MAP3K4: variants seen among roughly 807,000 people sequenced by gnomAD.
The protein encoded by MAP3K4 is MAP three kinase 1.
MAP3K4 carries 67 observed loss-of-function variants against 185.6 expected under a neutral mutation model. The observed-to-expected ratio is 0.36, with a 90% CI of 0.30 to 0.44. The LOEUF is 0.44. Among genes scored for constraint, MAP3K4 ranks in the 20% least tolerant of loss-of-function variants. MAP3K4 has a pLI of 1.00. For synonymous variants in MAP3K4, 702 were observed against 710.4 expected (o/e 0.99, Z 0.19); for missense variants, 1,551 against 1,995.1 (o/e 0.78, Z 4.24).
chr6:161,050,241 G>C (rs572081231), intron 3 of MAP3K4, among the ~76,000 whole-genome samples: 16 of 152,296 alleles, frequency 1.1e-4, no homozygotes, highest in African/African-American at 3.8e-4. Context: ...CAAAGGACAG[G>C]CTGGGTATAA....
Position 161,048,583 on chromosome 6 carries a change from A to C in MAP3K4, c.344-33A>C. On this transcript the variant is annotated intron_variant, in intron 2 of 26. Transcript: ENST00000392142. The surrounding 1 kb of genome is among the most constrained non-coding windows in gnomAD (Gnocchi z 4.7). ...GAGAGTAGCTTCATATTTTAGAGTT[A>C]TATAATGTTCTGTTTATTTTTTTTT... The C allele has an allele frequency of 7.3e-7, 1 of 1,376,592 alleles. No individual in the cohort carries two copies. The highest frequency in any genetic ancestry group is 9.9e-7 in the Non-Finnish European group (1 of 1,012,066). 85.3% of individuals were successfully genotyped at this position (1,376,592 alleles called of 1,614,324 possible).
Position 161,073,540 on chromosome 6 carries a change from G to C in MAP3K4, c.2025G>C (p.Glu675Asp), listed in dbSNP as rs753077794. The C allele has an allele frequency of 2.7e-5, 44 of 1,613,930 alleles. No homozygotes were observed. The highest frequency in any genetic ancestry group is 3.6e-5 in the Non-Finnish European group (42 of 1,179,966). The change falls in exon 5 of 27, where the codon GAG becomes GAC. Residue 675 changes from glutamate (E) to aspartate (D), a missense_variant. Physicochemically the swap from Glu to Asp is conservative, Grantham distance 45. Coordinates refer to ENST00000392142, the MANE Select transcript of MAP3K4 (RefSeq NM_005922.4). The surrounding 1 kb of genome is among the most constrained non-coding windows in gnomAD (Gnocchi z 4.2). The stretch of plus-strand genomic sequence containing the variant: ...AGTACTACCAGTTCATGCTGCAGGA[G>C]GTTCTGGAGGACTTGGAGAAGCCCG... ...MKQYYQFMLQ[E>D]VLEDLEKPDC...
At chr6:161,092,884 T>C in intron 13 of MAP3K4, 94 bp from the exon 14 acceptor site, 2 of 709,918 alleles carry the variant, frequency 2.8e-6, no homozygotes, top group East Asian at 2.7e-5. Context: ...TAAATAGTAA[T>C]TATAATTATG....
intron 10 of MAP3K4, among the ~76,000 whole-genome samples, chr6:161,089,107 AG>A (rs1785890809): frequency 2.0e-5 from 3 of 152,266 alleles, no homozygotes; most frequent in Admixed American, 2.0e-4. Context: ...GCAGTCCCAA[AG>A]GGTTCTTCTC....
Position 161,103,042 on chromosome 6 carries a change from A to G in MAP3K4, c.3856+263A>G, listed in dbSNP as rs1461010847. Among the ~76,000 whole-genome samples, 1 of 152,218 alleles carries G rather than the reference A, an allele frequency of 6.6e-6. No homozygotes were observed. The highest frequency in any genetic ancestry group is 1.5e-5 in the Non-Finnish European group (1 of 68,038). On this transcript the variant is annotated intron_variant, in intron 19 of 26. Transcript: ENST00000392142. The surrounding 1 kb of genome is among the most constrained non-coding windows in gnomAD (Gnocchi z 4.6). ...CTTTATATTCTTAAAGCAACTTAGC[A>G]TAATTTTTTGTCCATGGTAGGAGTA...
chr6:161,003,524 A>G (rs1030717885), intron 1 of MAP3K4, among the ~76,000 whole-genome samples: 7 of 152,152 alleles, frequency 4.6e-5, no homozygotes, highest in Non-Finnish European at 7.3e-5. Context: ...AAGTTGTTTA[A>G]ACATTACATC....
rs1159823646 is a variant in MAP3K4, at chr6:161,098,674, C to T, written c.3674+247C>T. On this transcript the variant is annotated intron_variant, in intron 17 of 26. Coordinates refer to ENST00000392142, the MANE Select transcript of MAP3K4 (RefSeq NM_005922.4). This position sits in a 1 kb window ranked among gnomAD's most constrained non-coding sequence, Gnocchi z 4.4. ...TTAGCCAAAATGACTAAAGACTTTG[C>T]GAAGAATAACTTGATGGAGTATCAT... Among the ~76,000 whole-genome samples, 3 of 152,026 alleles carry T rather than the reference C, an allele frequency of 2.0e-5. No individual in the cohort carries two copies. Among genetic ancestry groups the T allele is most frequent in the Non-Finnish European group, 2.9e-5 (2 of 68,024 alleles).
At chr6:161,089,236 G>A in intron 10 of MAP3K4, 86 bp from the exon 11 acceptor site, 1 of 1,411,850 alleles carries the variant, frequency 7.1e-7, no homozygotes, top group Non-Finnish European at 9.6e-7. Flanking sequence ...CCCTGAGATT[G>A]GCATTGTTTT....
chr6:161,024,110 G>A (rs1782529799), intron 1 of MAP3K4, among the ~76,000 whole-genome samples: 1 of 152,122 alleles, frequency 6.6e-6, no homozygotes, highest in Non-Finnish European at 1.5e-5. Context: ...GGGACTACAG[G>A]TGTGCAGCAC....
In MAP3K4 at chr6:161,064,454, C is replaced by CT. The variant is rs200966904; in HGVS notation, c.1708-6143dup. 6.1e-3 allele frequency among the ~76,000 whole-genome samples: 878 copies of CT among 143,324 alleles called. 7 individuals are homozygous for CT. The highest frequency in any genetic ancestry group is 0.017 in the African/African-American group (677 of 39,346). The allele number at this position is 143,324 out of a possible 152,430, so 94.0% of individuals were successfully genotyped here. A position where few individuals can be genotyped will look rare whatever the true frequency, so the allele number is the denominator to read the frequency against. ...ATTTTCCAACTTCTTAAACTGCTGC[C>CT]TTTTTTTTTTTACATTAAATTCTAG... On this transcript the variant is annotated intron_variant, in intron 3 of 26. Transcript: ENST00000392142. This position sits in a 1 kb window ranked among gnomAD's most constrained non-coding sequence, Gnocchi z 4.3.
rs75366198 is a variant in MAP3K4, at chr6:161,091,572, A to G, written c.3135+32A>G. 18 of 1,582,594 alleles carry G rather than the reference A, an allele frequency of 1.1e-5. No individual in the cohort carries two copies. Among genetic ancestry groups the G allele is most frequent in the Non-Finnish European group, 1.5e-5 (18 of 1,163,280 alleles). On this transcript the variant is annotated intron_variant, in intron 12 of 26. Coordinates refer to ENST00000392142, the MANE Select transcript of MAP3K4 (RefSeq NM_005922.4). This position sits in a 1 kb window ranked among gnomAD's most constrained non-coding sequence, Gnocchi z 5.5. Reference sequence around the variant, plus strand: ...TCAAAATAAGAGGAAACACGGTACAATTTAGTAATTGCTTGATAACTTACA... The same window carrying G: ...TCAAAATAAGAGGAAACACGGTACAGTTTAGTAATTGCTTGATAACTTACA...
At chr6:161,083,037 T>A (rs1256930042) in intron 6 of MAP3K4, among the ~76,000 whole-genome samples, 1 of 152,180 alleles carries the variant, frequency 6.6e-6, no homozygotes, top group Non-Finnish European at 1.5e-5. Flanking sequence ...TGTCCTGTGC[T>A]CGCTTCCCAG....
Position 161,109,325 on chromosome 6 carries a change from G to A in MAP3K4, c.4237-430G>A, listed in dbSNP as rs753788435. Among the ~76,000 whole-genome samples, 1 of 152,160 alleles carries A rather than the reference G, an allele frequency of 6.6e-6. No homozygotes were observed. The highest frequency in any genetic ancestry group is 2.1e-4 in the South Asian group (1 of 4,822). Reference sequence around the variant, plus strand: ...GGGAAAGAGGATAACTTGGAGCATCGTGGTGTAGAGCATGAGCTTCCAGGG... The same window carrying A: ...GGGAAAGAGGATAACTTGGAGCATCATGGTGTAGAGCATGAGCTTCCAGGG... On this transcript the variant is annotated intron_variant, in intron 22 of 26. Coordinates refer to ENST00000392142, the MANE Select transcript of MAP3K4 (RefSeq NM_005922.4). This position sits in a 1 kb window ranked among gnomAD's most constrained non-coding sequence, Gnocchi z 5.7.
At position 161,037,461 on chromosome 6, in the gene MAP3K4, C is replaced by G. The variant is rs1476366716; in HGVS notation, c.343+3012C>G. Among the ~76,000 whole-genome samples the G allele has an allele frequency of 6.6e-6, 1 of 152,032 alleles. No homozygotes were observed. The highest frequency in any genetic ancestry group is 2.4e-5 in the African/African-American group (1 of 41,394). On this transcript the variant is annotated intron_variant, in intron 2 of 26. Transcript: ENST00000392142. This position sits in a 1 kb window ranked among gnomAD's most constrained non-coding sequence, Gnocchi z 4.2. ...GAGACGGAGTTTCACTCTTGTTGCC[C>G]AGGCTGGAGTGCAGTGGCGCGATCT...
At chr6:161,085,048 G>A (rs1487977584) in intron 7 of MAP3K4, among the ~76,000 whole-genome samples, 1 of 151,958 alleles carries the variant, frequency 6.6e-6, no homozygotes, top group Non-Finnish European at 1.5e-5. Flanking sequence ...TCAGGAGGCT[G>A]AGGCAGAAAA....
At chr6:161,016,560 T>G (rs956639083) in intron 1 of MAP3K4, among the ~76,000 whole-genome samples, 1 of 152,254 alleles carries the variant, frequency 6.6e-6, no homozygotes, top group Non-Finnish European at 1.5e-5. Flanking sequence ...CCTTTTCTTA[T>G]AGCTGGTTGT....
At position 161,114,037 on chromosome 6, in the gene MAP3K4, C is replaced by T. The variant is rs1235063143; in HGVS notation, c.4627-1086C>T. ...GTCTCGAACTCCTGACCTCATGATCCGCCTGCCTCAGCCTCCCGAAGTGCT... is the reference window on the plus strand; with the variant it reads ...GTCTCGAACTCCTGACCTCATGATCTGCCTGCCTCAGCCTCCCGAAGTGCT... On this transcript the variant is annotated intron_variant, in intron 25 of 26. Transcript: ENST00000392142. The surrounding 1 kb of genome is among the most constrained non-coding windows in gnomAD (Gnocchi z 4.3). 1.3e-5 allele frequency among the ~76,000 whole-genome samples: 2 copies of T among 151,886 alleles called. No homozygotes were observed. The highest frequency in any genetic ancestry group is 2.9e-5 in the Non-Finnish European group (2 of 67,966).
At position 161,077,835 on chromosome 6, in the gene MAP3K4, G is replaced by A. The variant is rs375779023; in HGVS notation, c.2098-3046G>A. ...GGCTGAGGGCATTTGAAAGCCCTCA[G>A]GCTTGACTTTGCAAACTAAGGGAAA... On this transcript the variant is annotated intron_variant, in intron 5 of 26. Transcript: ENST00000392142. The surrounding 1 kb of genome is among the most constrained non-coding windows in gnomAD (Gnocchi z 4.3). Among the ~76,000 whole-genome samples the A allele has an allele frequency of 7.2e-5, 11 of 152,218 alleles. No individual in the cohort carries two copies. The highest frequency in any genetic ancestry group is 5.8e-4 in the East Asian group (3 of 5,184).
intron 2 of MAP3K4, among the ~76,000 whole-genome samples, chr6:161,042,705 AC>A (rs1269775209): frequency 2.0e-5 from 3 of 152,192 alleles, no homozygotes; most frequent in Admixed American, 6.5e-5. Context: ...AGAAGGAAGT[AC>A]ATTCAGTTTA....
Sources: gnomAD v4.1 joint callset for allele counts (sites outside exome capture counted in the v4.1 genomes callset) on GRCh38, gnomAD v4.1.1 for gene constraint, Gnocchi (gnomAD v3.1) non-coding constraint, MANE v1.5 for transcripts, NCBI Gene and HGNC (gene_info 2026-07-23, HGNC 2026-07-21) for gene names.